The following SPATS2L variants were observed in gnomAD, a reference collection of about 807,000 sequenced individuals.
The protein encoded by SPATS2L is SPATS2-like protein.
A neutral mutation model predicts 59.6 loss-of-function variants in SPATS2L; 30 were observed. The observed-to-expected ratio is 0.50, with a 90% CI of 0.38 to 0.68. The LOEUF (loss-of-function observed/expected upper bound fraction) is 0.68. SPATS2L is among the 30% of genes least tolerant of loss of function. The pLI is 0.00. For synonymous variants in SPATS2L, 252 were observed against 263.5 expected (o/e 0.96, Z 0.42); for missense variants, 615 against 700.0 (o/e 0.88, Z 1.37).
chr2:200,423,327 A>C (rs2083392636), intron 6 of SPATS2L, among the ~76,000 whole-genome samples: 1 of 152,206 alleles, frequency 6.6e-6, no homozygotes, highest in African/African-American at 2.4e-5. Context: ...ATCTACTGGC[A>C]ATCGCAAGAG....
chr2:200,331,845 C>T (rs1013372869), intron 2 of SPATS2L, among the ~76,000 whole-genome samples: 6 of 152,150 alleles, frequency 3.9e-5, no homozygotes, highest in Non-Finnish European at 5.9e-5. Context: ...AGATTTTGCT[C>T]GTACCACAGT....
rs186324208 is a variant in SPATS2L at position 200,476,890 on chromosome 2, A to G, written c.1282-746A>G. On this transcript the variant is annotated intron_variant, in intron 12 of 12. Coordinates refer to ENST00000409140, the MANE Select transcript of SPATS2L (RefSeq NM_001100423.2). The stretch of plus-strand genomic sequence containing the variant: ...AGTAAACGCGGGGGATTTTATTGCC[A>G]TTGAAAGTGGCTCTCAGCAGGAGGG... 4.7e-4 allele frequency among the ~76,000 whole-genome samples: 72 copies of G among 152,302 alleles called. 1 individual carries two copies. Among genetic ancestry groups the G allele is most frequent in the African/African-American group, 1.6e-3 (67 of 41,576 alleles).
chr2:200,372,076 T>C (rs2081443850), intron 2 of SPATS2L: 6 of 985,448 alleles, frequency 6.1e-6, no homozygotes, highest in Non-Finnish European at 7.2e-6. Context: ...AGGTATCAGC[T>C]GGACTTGACT....
intron 2 of SPATS2L, among the ~76,000 whole-genome samples, chr2:200,347,952 C>A (rs1015181210): frequency 1.3e-5 from 2 of 152,170 alleles, no homozygotes; most frequent in African/African-American, 4.8e-5. Flanking sequence ...ACTTCTCTTT[C>A]CATTATCACC....
chr2:200,394,434 C>T (rs993322944), intron 3 of SPATS2L, among the ~76,000 whole-genome samples: 2 of 152,248 alleles, frequency 1.3e-5, no homozygotes, highest in Non-Finnish European at 2.9e-5. Context: ...GCATTCTCCA[C>T]TGCAGCTGTT....
At chr2:200,349,925 G>C (rs2105841176) in intron 2 of SPATS2L, among the ~76,000 whole-genome samples, 2 of 152,294 alleles carry the variant, frequency 1.3e-5, no homozygotes, top group South Asian at 4.1e-4. Flanking sequence ...CACATCTCCT[G>C]CCTGGGGGTC....
At chr2:200,402,590 C>A (rs1470903224) in intron 3 of SPATS2L, among the ~76,000 whole-genome samples, 1 of 152,212 alleles carries the variant, frequency 6.6e-6, no homozygotes, top group African/African-American at 2.4e-5. Context: ...TAGGACAGGT[C>A]CCCTGTTATA....
chr2:200,373,499 C>A (rs2081501281), intron 2 of SPATS2L, among the ~76,000 whole-genome samples: 1 of 152,126 alleles, frequency 6.6e-6, no homozygotes, highest in Non-Finnish European at 1.5e-5. Flanking sequence ...AGACATTTTT[C>A]TTTTCTAATA....
At chr2:200,321,772 T>C (rs1323085230) in intron 1 of SPATS2L, among the ~76,000 whole-genome samples, 2 of 152,252 alleles carry the variant, frequency 1.3e-5, no homozygotes, top group Non-Finnish European at 2.9e-5. Flanking sequence ...TGTCTATTAA[T>C]GTTCCAGGTT....
Position 200,465,248 on chromosome 2 carries a change from C to T in SPATS2L, c.848-2042C>T, listed in dbSNP as rs554285947. 1.7e-4 allele frequency among the ~76,000 whole-genome samples: 26 copies of T among 152,358 alleles called. 1 individual carries two copies. The South Asian group carries it at 5.4e-3, about 32-fold the overall frequency. ...AAAGAGGGCAGTGGCTTCTTGGCTTCAGCCGTTTGTCACCATGTAGGAAGG... is the reference window on the plus strand; with the variant it reads ...AAAGAGGGCAGTGGCTTCTTGGCTTTAGCCGTTTGTCACCATGTAGGAAGG... On this transcript the variant is annotated intron_variant, in intron 9 of 12. Transcript: ENST00000409140.
intron 8 of SPATS2L, among the ~76,000 whole-genome samples, chr2:200,443,058 T>C (rs558960274): frequency 6.6e-6 from 1 of 152,292 alleles, no homozygotes; most frequent in East Asian, 1.9e-4. Context: ...TAATCCTTAA[T>C]AAAAGTGATC....
intron 2 of SPATS2L, among the ~76,000 whole-genome samples, chr2:200,336,941 A>G (rs77701261): frequency 0.02 from 3,096 of 152,252 alleles, 108 homozygotes; most frequent in African/African-American, 0.071. Flanking sequence ...TTTTTTTTCT[A>G]TTAAAAGAAA....
intron 2 of SPATS2L, among the ~76,000 whole-genome samples, chr2:200,376,131 A>G (rs1408884104): frequency 6.6e-6 from 1 of 152,214 alleles, no homozygotes; most frequent in Non-Finnish European, 1.5e-5. Context: ...GAAGAGAGAA[A>G]GGCAAAGTGG....
At chr2:200,343,825 T>C (rs1481554339) in intron 2 of SPATS2L, among the ~76,000 whole-genome samples, 1 of 152,134 alleles carries the variant, frequency 6.6e-6, no homozygotes, top group Non-Finnish European at 1.5e-5. Context: ...GGTAATAAAA[T>C]GTTAACAAAA....
At position 200,383,938 on chromosome 2, in the gene SPATS2L, G is replaced by T. The variant is rs757902624; in HGVS notation, c.-22-5285G>T. 38 of 1,001,804 alleles carry T rather than the reference G, an allele frequency of 3.8e-5. No homozygotes were observed. In the Admixed American group the frequency reaches 6.7e-4, roughly 18 times the overall value. 62.1% of individuals were successfully genotyped at this position (1,001,804 alleles called of 1,614,324 possible). A position where few individuals can be genotyped will look rare whatever the true frequency, so the allele number is the denominator to read the frequency against. Reference sequence around the variant, plus strand: ...GAGCATTAATGGGTTTCAGAGAAACGAAAGTGAAACTTTATTACTGCCTAC... The same window carrying T: ...GAGCATTAATGGGTTTCAGAGAAACTAAAGTGAAACTTTATTACTGCCTAC... On this transcript the variant is annotated intron_variant, in intron 2 of 12. Coordinates refer to ENST00000409140, the MANE Select transcript of SPATS2L (RefSeq NM_001100423.2).
chr2:200,313,219 A>C (rs962331319), intron 1 of SPATS2L, among the ~76,000 whole-genome samples: 12 of 152,222 alleles, frequency 7.9e-5, no homozygotes, highest in African/African-American at 2.9e-4. Flanking sequence ...GCAGGTGATG[A>C]GTATCACCTG....
At chr2:200,419,191 C>A in intron 5 of SPATS2L, 59 bp from the exon 6 acceptor site, 1 of 1,472,312 alleles carries the variant, frequency 6.8e-7, no homozygotes. Context: ...CTCTCAGATT[C>A]ACCTTATATT....
intron 8 of SPATS2L, among the ~76,000 whole-genome samples, chr2:200,444,021 G>A (rs560511669): frequency 6.6e-6 from 1 of 152,188 alleles, no homozygotes; most frequent in South Asian, 2.1e-4. Flanking sequence ...AAAGAATTAG[G>A]GATTTGCGAG....
chr2:200,338,150 G>C (rs372968344), intron 2 of SPATS2L, among the ~76,000 whole-genome samples: 1 of 152,094 alleles, frequency 6.6e-6, no homozygotes, highest in East Asian at 1.9e-4. Context: ...TCAGCCTCCA[G>C]AGTAGCTGGG....
Sources: gnomAD v4.1 joint callset for allele counts (sites outside exome capture counted in the v4.1 genomes callset) on GRCh38, gnomAD v4.1.1 for gene constraint, MANE v1.5 for transcripts, NCBI Gene and HGNC (gene_info 2026-07-23, HGNC 2026-07-21) for gene names.